NCOR1: variants seen among roughly 807,000 people sequenced by gnomAD.
NCOR1 encodes the protein nuclear receptor corepressor 1.
NCOR1 carries 63 observed loss-of-function variants against 288.1 expected under a neutral mutation model. That is an observed-to-expected ratio of 0.22 (90% CI 0.18 to 0.27). The LOEUF (loss-of-function observed/expected upper bound fraction) is 0.27, where lower values mean the gene tolerates loss of function less well. NCOR1 is among the 10% of genes least tolerant of loss of function. NCOR1 has a pLI of 1.00. For missense variants in NCOR1, 2,397 were observed against 3,019.2 expected (o/e 0.79, Z 4.83); for synonymous variants, 1,007 against 1,065.9 (o/e 0.94, Z 1.08).
chr17:16,035,530 C>G (rs915359849), intron 44 of NCOR1, among the ~76,000 whole-genome samples: 1 of 118,340 alleles, frequency 8.5e-6, no homozygotes, highest in Non-Finnish European at 1.8e-5. Flanking sequence ...TTCTCTTGTT[C>G]TTTTTTTTTT....
intron 40 of NCOR1, among the ~76,000 whole-genome samples, chr17:16,056,405 A>T (rs552293146): frequency 3.8e-4 from 52 of 138,202 alleles, no homozygotes; most frequent in African/African-American, 1.4e-3. Context: ...TCTTCCGCCC[A>T]GGTTCAAGCG....
At chr17:16,052,192 C>T (rs867438119) in intron 40 of NCOR1, among the ~76,000 whole-genome samples, 26 of 141,264 alleles carry the variant, frequency 1.8e-4, no homozygotes, top group Non-Finnish European at 2.9e-4. Flanking sequence ...TTTTGTATTT[C>T]TTTTTTTTTT....
chr17:16,180,817 T>C (rs1349655856), intron 3 of NCOR1, among the ~76,000 whole-genome samples: 1 of 151,660 alleles, frequency 6.6e-6, no homozygotes, highest in Non-Finnish European at 1.5e-5. Context: ...TTCACAATAG[T>C]TCATATATAG....
At chr17:16,084,464 T>C (rs2063900584) in intron 23 of NCOR1, 1 of 152,612 alleles carries the variant, frequency 6.6e-6, no homozygotes, top group African/African-American at 2.4e-5. Context: ...CAGACATTGA[T>C]AAGCTGATTA....
intron 32 of NCOR1, among the ~76,000 whole-genome samples, chr17:16,067,557 C>T (rs914600455): frequency 3.3e-5 from 5 of 152,152 alleles, no homozygotes; most frequent in African/African-American, 9.7e-5. Context: ...GGTAAATGAA[C>T]GTCTATTTAT....
At chr17:16,116,638 G>A (rs2071642746) in intron 18 of NCOR1, among the ~76,000 whole-genome samples, 1 of 152,184 alleles carries the variant, frequency 6.6e-6, no homozygotes. Context: ...CCATGAAAAA[G>A]GGGAGGCTGG....
intron 3 of NCOR1, among the ~76,000 whole-genome samples, chr17:16,180,537 G>A (rs1254345032): frequency 1.3e-5 from 2 of 152,026 alleles, no homozygotes; most frequent in Non-Finnish European, 2.9e-5. Context: ...GATCGCTTGA[G>A]GCCAGGAGTT....
At chr17:16,159,521 C>T (rs1289622968) in intron 5 of NCOR1, among the ~76,000 whole-genome samples, 1 of 151,608 alleles carries the variant, frequency 6.6e-6, no homozygotes, top group African/African-American at 2.4e-5. Context: ...TCACAATGAC[C>T]TTTGACAGCA....
At chr17:16,198,831 A>G (rs1056841474) in intron 1 of NCOR1, 4 of 152,110 alleles carry the variant, frequency 2.6e-5, no homozygotes, top group African/African-American at 9.7e-5. Context: ...TAAGTTATCT[A>G]TCTCTGCACT....
intron 1 of NCOR1, among the ~76,000 whole-genome samples, chr17:16,209,202 T>C (rs1292331761): frequency 6.6e-6 from 1 of 152,078 alleles, no homozygotes; most frequent in Non-Finnish European, 1.5e-5. Context: ...GATGATGTAA[T>C]ATGTGATCAA....
chr17:16,152,263 T>C (rs2078987806), intron 7 of NCOR1, among the ~76,000 whole-genome samples: 4 of 152,128 alleles, frequency 2.6e-5, no homozygotes, highest in Admixed American at 2.0e-4. Flanking sequence ...AATTAACTCA[T>C]CACTTACATT....
intron 26 of NCOR1, among the ~76,000 whole-genome samples, chr17:16,079,163 C>G (rs1437976709): frequency 6.6e-6 from 1 of 152,164 alleles, no homozygotes; most frequent in Non-Finnish European, 1.5e-5. Context: ...TCCCCACCAA[C>G]AAGGGTTGGG....
At position 16,151,212 on chromosome 17, in the gene NCOR1, A is replaced by T. The variant is rs1599488530; in HGVS notation, c.842+734T>A. Among the ~76,000 whole-genome samples the T allele has an allele frequency of 2.6e-5, 4 of 151,484 alleles. No individual in the cohort carries two copies. In the South Asian group the frequency reaches 8.3e-4, roughly 31 times the overall value. ...CTCTTAAAGTATAATTTTTTTTTTAAAAAAAAGATATCTATCTAGCTTCCT... is the reference window on the plus strand; with the variant it reads ...CTCTTAAAGTATAATTTTTTTTTTATAAAAAAGATATCTATCTAGCTTCCT... On this transcript the variant is annotated intron_variant, in intron 8 of 45. Coordinates refer to ENST00000268712, the MANE Select transcript of NCOR1 (RefSeq NM_006311.4).
At chr17:16,105,898 G>A (rs1260673936) in intron 19 of NCOR1, among the ~76,000 whole-genome samples, 3 of 152,136 alleles carry the variant, frequency 2.0e-5, no homozygotes, top group Admixed American at 6.5e-5. Context: ...TCAGGAGTTC[G>A]AGACAAGCCT....
rs1328234957 is a variant in NCOR1 at position 16,092,683 on chromosome 17, ATATATATATATATTTTTTT to A, written c.2821-644_2821-626del. 9.5e-4 allele frequency among the ~76,000 whole-genome samples: 17 copies of A among 17,834 alleles called. No homozygotes were observed. The East Asian group carries it at 0.015, about 16-fold the overall frequency. The allele number at this position is 17,834 out of a possible 152,430, so 11.7% of individuals were successfully genotyped here. On this transcript the variant is annotated intron_variant, in intron 21 of 45. Transcript: ENST00000268712. ...TATATATATATATATATATATATAT[ATATATATATATATTTTTTT>A]TTTTTTTTTTTTTTAAGACATAGTC...
intron 23 of NCOR1, 80 bp downstream of exon 23, chr17:16,086,201 CA>C (rs2064201996): frequency 1.4e-6 from 2 of 1,386,846 alleles, no homozygotes; most frequent in Non-Finnish European, 2.0e-6. Context: ...ACAACTCTGA[CA>C]AATCAGTGCG....
chr17:16,057,547 G>A lies in NCOR1; in HGVS notation c.6359C>T (p.Ser2120Phe). 6.2e-7 allele frequency: 1 copy of A among 1,614,124 alleles called. No individual in the cohort carries two copies. The highest frequency in any genetic ancestry group is 8.5e-7 in the Non-Finnish European group (1 of 1,180,020). ...VHHQRPGSRV[S>F]PENLVDKSRG... Reference sequence around the variant, plus strand: ...GGATTTGTCCACAAGATTTTCTGGAGAGACCCTTGAACCTGGTCTTTGATG... The same window carrying A: ...GGATTTGTCCACAAGATTTTCTGGAAAGACCCTTGAACCTGGTCTTTGATG... The change falls in exon 40 of 46, where the codon TCT becomes TTT. Residue 2120 changes from serine to phenylalanine, a missense_variant. Ser to Phe is a radical substitution (Grantham distance 155, BLOSUM62 -2). Transcript: ENST00000268712.
chr17:16,205,690 C>A (rs1179126911), intron 1 of NCOR1, among the ~76,000 whole-genome samples: 2 of 149,918 alleles, frequency 1.3e-5, no homozygotes, highest in Admixed American at 6.7e-5. Context: ...GTAATCCCAG[C>A]ACTTTGGGAG....
chr17:16,063,518 T>C (rs1471181921), intron 35 of NCOR1, among the ~76,000 whole-genome samples: 1 of 152,154 alleles, frequency 6.6e-6, no homozygotes, highest in Non-Finnish European at 1.5e-5. Flanking sequence ...TTCCTAGACG[T>C]GGAATTACTA....
Sources: gnomAD v4.1 joint callset for allele counts (sites outside exome capture counted in the v4.1 genomes callset) on GRCh38, gnomAD v4.1.1 for gene constraint, MANE v1.5 for transcripts, NCBI Gene and HGNC (gene_info 2026-07-23, HGNC 2026-07-21) for gene names.